RIPOR2: variants seen among roughly 807,000 people sequenced by gnomAD.
RIPOR2 encodes the protein RHO family interacting cell polarization regulator 2.
Under a neutral mutation model 114.5 loss-of-function variants are expected in RIPOR2, and 39 were observed. The ratio of observed to expected loss-of-function variants is 0.34; its 90% CI spans 0.26 to 0.44. The LOEUF is 0.44. RIPOR2 is among the 20% of genes least tolerant of loss of function. The pLI is 1.00. For synonymous variants in RIPOR2, 445 were observed against 484.4 expected (o/e 0.92, Z 1.07); for missense variants, 1,007 against 1,255.1 (o/e 0.80, Z 2.99).
At chr6:24,849,976 G>A (rs1762700176) in intron 10 of RIPOR2, 26 bp from the exon 11 acceptor site, 1 of 1,604,440 alleles carries the variant, frequency 6.2e-7, no homozygotes, top group Non-Finnish European at 8.5e-7. Flanking sequence ...GGAGAGAATA[G>A]GCCTTACATC....
rs61746208 is a variant in RIPOR2 at position 24,839,254 on chromosome 6, G to A, written c.1876C>T (p.Arg626Cys). ...DILKCKPAVS[R>C]SRSSSLSLTV... is the part of the protein sequence containing the mutation. ...AGACTTAAACTGGAAGACCTGCTGC[G>A]GCTTACTGCTGGCTTGCACTGTAAA... is the stretch of plus-strand genomic sequence containing the variant. The change falls in exon 14 of 22, where the codon CGC becomes TGC. Residue 626 changes from arginine to cysteine, a missense_variant. Transcript: ENST00000643898. 4.5e-6 allele frequency: 7 copies of A among 1,551,704 alleles called. No homozygotes were observed. Among genetic ancestry groups the A allele is most frequent in the African/African-American group, 4.1e-5 (3 of 73,032 alleles).
At chr6:25,035,105 C>A (rs964894045) in intron 1 of RIPOR2, among the ~76,000 whole-genome samples, 1 of 152,158 alleles carries the variant, frequency 6.6e-6, no homozygotes, top group Non-Finnish European at 1.5e-5. Context: ...AAAAAGCATT[C>A]TCTGTAATTG....
At chr6:24,949,016 G>A (rs1420161220) in intron 1 of RIPOR2, among the ~76,000 whole-genome samples, 1 of 151,906 alleles carries the variant, frequency 6.6e-6, no homozygotes, top group Non-Finnish European at 1.5e-5. Flanking sequence ...AACAATCCAG[G>A]GCTCATTTCA....
chr6:24,853,246 G>T (rs13199007), intron 8 of RIPOR2, among the ~76,000 whole-genome samples: 16,974 of 152,162 alleles, frequency 0.11, 1,135 homozygotes, highest in Non-Finnish European at 0.15. Context: ...AAAGAAAGAC[G>T]GGACTTTTCT....
At position 24,882,857 on chromosome 6, in the gene RIPOR2, T is replaced by C. The variant is rs138720899; in HGVS notation, c.62-7040A>G. 2.2e-3 allele frequency among the ~76,000 whole-genome samples: 332 copies of C among 152,324 alleles called. 2 individuals are homozygous for C. The highest frequency in any genetic ancestry group is 4.0e-3 in the Non-Finnish European group (273 of 68,032). ...AAAGGATACTCAAGTCTACCCCATA[T>C]TCCATGTGCTCCTTTGAATAATAAG... On this transcript the variant is annotated intron_variant, in intron 1 of 21. Coordinates refer to ENST00000643898, the MANE Select transcript of RIPOR2 (RefSeq NM_001286445.3).
chr6:24,927,146 C>CCACAACTACAATCACCAT lies in RIPOR2; in HGVS notation c.61+8691_61+8692insATGGTGATTGTAGTTGTG, dbSNP rs1554119761. ...AATCATCATCTCACTACCACCACCA[C>CCACAACTACAATCACCAT]CACCACCACCACCACAACTACAATC... On this transcript the variant is annotated intron_variant, in intron 1 of 21. Transcript: ENST00000643898. 3.1e-4 allele frequency among the ~76,000 whole-genome samples: 30 copies of CCACAACTACAATCACCAT among 97,374 alleles called. 8 individuals carry two copies. Among genetic ancestry groups the CCACAACTACAATCACCAT allele is most frequent in the African/African-American group, 9.0e-4 (23 of 25,642 alleles). 63.9% of individuals were successfully genotyped at this position (97,374 alleles called of 152,430 possible). A position where few individuals can be genotyped will look rare whatever the true frequency, so the allele number is the denominator to read the frequency against.
chr6:24,875,257 A>G (rs975339788), intron 2 of RIPOR2, among the ~76,000 whole-genome samples: 5 of 152,210 alleles, frequency 3.3e-5, no homozygotes, highest in African/African-American at 1.2e-4. Context: ...GTTTCAGATG[A>G]GAGGAGATTC....
At chr6:24,885,366 G>T (rs147639192) in intron 1 of RIPOR2, among the ~76,000 whole-genome samples, 20 of 152,220 alleles carry the variant, frequency 1.3e-4, no homozygotes, top group South Asian at 1.2e-3. Flanking sequence ...GGGACTACTG[G>T]CATGTGCCTC....
At position 24,958,167 on chromosome 6, in the gene RIPOR2, T is replaced by C. The variant is rs181415376; in HGVS notation, c.77-82350A>G. Among the ~76,000 whole-genome samples the C allele has an allele frequency of 1.0e-3, 156 of 152,340 alleles. 1 individual carries two copies. Among genetic ancestry groups the C allele is most frequent in the Middle Eastern group, 3.4e-3 (1 of 294 alleles). On this transcript the variant is annotated intron_variant, in intron 1 of 13. Coordinates refer to the RIPOR2 transcript ENST00000510784. ...AATTTTAAAAAGCTATGTTTTGCAATGAAACACTATAGAACACTAAATAAT... is the reference window on the plus strand; with the variant it reads ...AATTTTAAAAAGCTATGTTTTGCAACGAAACACTATAGAACACTAAATAAT...
intron 1 of RIPOR2, among the ~76,000 whole-genome samples, chr6:25,036,787 G>GC (rs1230617455): frequency 6.6e-6 from 1 of 152,172 alleles, no homozygotes; most frequent in African/African-American, 2.4e-5. Context: ...GAGATCCTCT[G>GC]TGGGGGCAAA....
chr6:25,024,387 A>T, intron 1 of RIPOR2: 1 of 1,258,264 alleles, frequency 7.9e-7, no homozygotes, highest in South Asian at 1.2e-5. Context: ...CAGGTAGGCA[A>T]TGACATCATA....
At chr6:25,040,592 C>CTTTT (rs34600543) in intron 1 of RIPOR2, among the ~76,000 whole-genome samples, 1 of 136,062 alleles carries the variant, frequency 7.3e-6, no homozygotes, top group Non-Finnish European at 1.6e-5. Context: ...GTGTTTCTTG[C>CTTTT]TTTTTTTTTT....
intron 1 of RIPOR2, among the ~76,000 whole-genome samples, chr6:24,922,657 C>T (rs963061170): frequency 4.6e-5 from 7 of 151,684 alleles, no homozygotes; most frequent in East Asian, 3.9e-4. Flanking sequence ...GTTAGGAGTT[C>T]GAGACCAGCC....
intron 1 of RIPOR2, among the ~76,000 whole-genome samples, chr6:25,022,109 G>T (rs1281416787): frequency 6.6e-6 from 1 of 152,124 alleles, no homozygotes; most frequent in East Asian, 1.9e-4. Flanking sequence ...AGTAAAATTA[G>T]CCCTTTTTAG....
At chr6:24,836,992 A>C (rs189863693) in intron 14 of RIPOR2, among the ~76,000 whole-genome samples, 3 of 152,242 alleles carry the variant, frequency 2.0e-5, no homozygotes, top group Admixed American at 2.0e-4. Flanking sequence ...AAGAAGAAAA[A>C]AAGTTTAGAT....
intron 8 of RIPOR2, among the ~76,000 whole-genome samples, chr6:24,860,544 G>C (rs1200820064): frequency 6.6e-6 from 1 of 152,204 alleles, no homozygotes; most frequent in Non-Finnish European, 1.5e-5. Context: ...TTGGCATCGT[G>C]GTTATGTAAG....
intron 1 of RIPOR2, among the ~76,000 whole-genome samples, chr6:25,018,903 G>T (rs1055974362): frequency 1.3e-5 from 2 of 152,056 alleles, no homozygotes; most frequent in African/African-American, 2.4e-5. Context: ...GATGATCATT[G>T]TCTCCATCCA....
chr6:24,840,850 A>T, intron 13 of RIPOR2: 3 of 1,421,094 alleles, frequency 2.1e-6, no homozygotes, highest in Non-Finnish European at 1.9e-6. Flanking sequence ...ATACAAAGCC[A>T]TTTGCCCCAG....
At chr6:24,942,931 G>T (rs1311426496) in intron 1 of RIPOR2, among the ~76,000 whole-genome samples, 2 of 152,126 alleles carry the variant, frequency 1.3e-5, no homozygotes, top group African/African-American at 4.8e-5. Flanking sequence ...GATCCCATTT[G>T]TCAAATTTGG....
Sources: allele counts gnomAD v4.1 joint callset (sites outside exome capture counted in the v4.1 genomes callset), GRCh38; gene constraint gnomAD v4.1.1; transcripts MANE v1.5; gene names NCBI Gene and HGNC (gene_info 2026-07-23, HGNC 2026-07-21).